The following CUL3 variants were observed in gnomAD, a reference collection of about 807,000 sequenced individuals.
CUL3 encodes the protein cullin-3.
In CUL3, 19 loss-of-function variants were observed where a neutral mutation model predicts 89.1. The ratio of observed to expected loss-of-function variants is 0.21; its 90% CI spans 0.15 to 0.31. The LOEUF (loss-of-function observed/expected upper bound fraction) is 0.31, where lower values mean the gene tolerates loss of function less well. Among genes scored for constraint, CUL3 ranks in the 10% least tolerant of loss-of-function variants. The pLI is 1.00. For synonymous variants in CUL3, 351 were observed against 308.4 expected (o/e 1.14, Z -1.45); for missense variants, 469 against 942.3 (o/e 0.50, Z 6.58).
chr2:224,483,574 T>C (rs1691608785), intron 13 of CUL3, among the ~76,000 whole-genome samples: 1 of 152,222 alleles, frequency 6.6e-6, no homozygotes, highest in Non-Finnish European at 1.5e-5. Context: ...AAAGCAATGT[T>C]TTCCTATTCA....
intron 3 of CUL3, among the ~76,000 whole-genome samples, chr2:224,517,644 T>C (rs1693110209): frequency 6.6e-6 from 1 of 152,176 alleles, no homozygotes; most frequent in South Asian, 2.1e-4. Flanking sequence ...CCAGCCTGGA[T>C]GACACAGCAA....
intron 7 of CUL3, 82 bp from the exon 8 acceptor site, chr2:224,506,214 T>A (rs2106204399): frequency 1.1e-6 from 1 of 940,002 alleles, no homozygotes; most frequent in Non-Finnish European, 1.5e-6. Flanking sequence ...ATGTTTATCT[T>A]AACTTTGCTG....
intron 15 of CUL3, 66 bp from the exon 16 acceptor site, chr2:224,474,442 G>C (rs1305101771): frequency 1.5e-6 from 2 of 1,356,544 alleles, no homozygotes; most frequent in East Asian, 2.4e-5. Context: ...GAACAGAACT[G>C]ATATGTCATT....
chr2:224,573,787 G>A (rs535052630), intron 1 of CUL3, among the ~76,000 whole-genome samples: 44 of 152,164 alleles, frequency 2.9e-4, no homozygotes, highest in Admixed American at 4.6e-4. Context: ...TATTTTACTA[G>A]TCCTCTCTGA....
intron 3 of CUL3, among the ~76,000 whole-genome samples, chr2:224,515,051 A>G (rs1271194814): frequency 6.6e-6 from 1 of 152,200 alleles, no homozygotes. Flanking sequence ...AACAGAGTAA[A>G]AAAAGGTAAA....
intron 15 of CUL3, among the ~76,000 whole-genome samples, chr2:224,474,928 T>G (rs1439657764): frequency 6.6e-6 from 1 of 152,236 alleles, no homozygotes; most frequent in South Asian, 2.1e-4. Flanking sequence ...AGTACTGTGC[T>G]ATATATAATA....
intron 2 of CUL3, among the ~76,000 whole-genome samples, chr2:224,538,424 T>C (rs1248634804): frequency 1.3e-5 from 2 of 152,210 alleles, no homozygotes; most frequent in Non-Finnish European, 2.9e-5. Flanking sequence ...AGGATCTTTA[T>C]TTTACAAATT....
At chr2:224,521,419 G>C (rs186147472) in intron 3 of CUL3, among the ~76,000 whole-genome samples, 210 of 151,678 alleles carry the variant, frequency 1.4e-3, no homozygotes, top group African/African-American at 4.8e-3. Context: ...TTAAAGTCCA[G>C]TAGTTTCATA....
In CUL3 at chr2:224,581,128, G is replaced by A. The variant is rs186105858; in HGVS notation, c.66+3816C>T. Among the ~76,000 whole-genome samples, 209 of 152,188 alleles carry A rather than the reference G, an allele frequency of 1.4e-3. 3 individuals are homozygous for A. In the East Asian group the frequency reaches 0.035, roughly 25 times the overall value. ...AACAGAACTATTGGCCGGGCGTGGCGGCTCACACCTGTAATCCCAGCACTT... is the reference window on the plus strand; with the variant it reads ...AACAGAACTATTGGCCGGGCGTGGCAGCTCACACCTGTAATCCCAGCACTT... On this transcript the variant is annotated intron_variant, in intron 1 of 15. Coordinates refer to ENST00000264414, the MANE Select transcript of CUL3 (RefSeq NM_003590.5).
At chr2:224,507,124 T>TG in intron 6 of CUL3, 121 bp from the exon 7 acceptor site, 1 of 751,534 alleles carries the variant, frequency 1.3e-6, no homozygotes. Context: ...GCTGACCACA[T>TG]GACTATTAAA....
At chr2:224,498,145 C>T (rs1692237775) in intron 11 of CUL3, among the ~76,000 whole-genome samples, 1 of 152,162 alleles carries the variant, frequency 6.6e-6, no homozygotes, top group African/African-American at 2.4e-5. Flanking sequence ...CTTAAGACCA[C>T]CTTTCTCCAT....
rs902999581 is a variant in CUL3 at position 224,470,454 on chromosome 2, C to A, written c.*3791G>T. On this transcript the variant is annotated 3_prime_UTR_variant, in exon 16 of 16. Coordinates refer to ENST00000264414, the MANE Select transcript of CUL3 (RefSeq NM_003590.5). Reference sequence around the variant, plus strand: ...ATCCTAGTTGTTTTTCTCCTGAGAGCTGGCGTAATGGCCAATCTCTGTATC... The same window carrying A: ...ATCCTAGTTGTTTTTCTCCTGAGAGATGGCGTAATGGCCAATCTCTGTATC... The A allele has an allele frequency of 1.7e-5, 4 of 230,890 alleles. No homozygotes were observed. The highest frequency in any genetic ancestry group is 6.2e-5 in the East Asian group (1 of 16,244). 14.3% of individuals were successfully genotyped at this position (230,890 alleles called of 1,614,324 possible). A position where few individuals can be genotyped will look rare whatever the true frequency, so the allele number is the denominator to read the frequency against.
At chr2:224,527,658 A>T (rs1027934706) in intron 3 of CUL3, among the ~76,000 whole-genome samples, 2 of 152,204 alleles carry the variant, frequency 1.3e-5, no homozygotes, top group Non-Finnish European at 2.9e-5. Flanking sequence ...AGAAGACATC[A>T]AATAACTCTG....
chr2:224,560,271 T>A lies in CUL3; in HGVS notation c.67-2415A>T, dbSNP rs1242660225. ...GCCACACTCAGTTTTTGTTTTTTGT[T>A]TTTTTTTAGTCACACTCATTTTCTA... is the stretch of plus-strand genomic sequence containing the variant. On this transcript the variant is annotated intron_variant, in intron 1 of 15. Transcript: ENST00000264414. 3.9e-5 allele frequency among the ~76,000 whole-genome samples: 6 copies of A among 151,964 alleles called. No homozygotes were observed. In the East Asian group the frequency reaches 1.2e-3, roughly 29 times the overall value.
chr2:224,548,949 C>CCGAGATTGTGCCAA, intron 2 of CUL3, among the ~76,000 whole-genome samples: 1 of 152,042 alleles, frequency 6.6e-6, no homozygotes, highest in Admixed American at 6.5e-5. Flanking sequence ...ATGCAGTGAA[C>CCGAGATTGTGCCAA]CGAGATTGTG....
At chr2:224,530,355 A>C (rs906775778) in intron 3 of CUL3, among the ~76,000 whole-genome samples, 1 of 152,180 alleles carries the variant, frequency 6.6e-6, no homozygotes, top group African/African-American at 2.4e-5. Context: ...TAAGATCTGA[A>C]ATCCCAATAG....
At chr2:224,567,245 T>A (rs768850229) in intron 1 of CUL3, among the ~76,000 whole-genome samples, 6 of 152,132 alleles carry the variant, frequency 3.9e-5, no homozygotes, top group Non-Finnish European at 8.8e-5. Context: ...TTAGACAGGG[T>A]CTTCTTCTGT....
chr2:224,523,040 G>A (rs933129341), intron 3 of CUL3, among the ~76,000 whole-genome samples: 1 of 152,006 alleles, frequency 6.6e-6, no homozygotes, highest in African/African-American at 2.4e-5. Context: ...AGAGGTCAGA[G>A]GGAAAAAAAA....
chr2:224,551,288 C>CTCTG (rs200908267), intron 2 of CUL3, among the ~76,000 whole-genome samples: 9,905 of 151,122 alleles, frequency 0.066, 416 homozygotes, highest in Middle Eastern at 0.15. Flanking sequence ...TCACTGCAAG[C>CTCTG]TCTGCCTCCT....
Sources: allele counts gnomAD v4.1 joint callset (sites outside exome capture counted in the v4.1 genomes callset), GRCh38; gene constraint gnomAD v4.1.1; transcripts MANE v1.5; gene names NCBI Gene and HGNC (gene_info 2026-07-23, HGNC 2026-07-21).